PCM1: variants seen among roughly 807,000 people sequenced by gnomAD.
The protein encoded by PCM1 is pericentriolar material 1, also known as pericentriolar material 1 protein.
In PCM1, 157 loss-of-function variants were observed where a neutral mutation model predicts 241.9. The observed-to-expected ratio is 0.65, with a 90% confidence interval of 0.57 to 0.74. PCM1 has a LOEUF of 0.74. Among genes scored for constraint, PCM1 ranks in the 30% least tolerant of loss-of-function variants. PCM1 has a pLI of 0.00. For missense variants in PCM1, 3,478 were observed against 2,360.1 expected (o/e 1.47, Z -9.81); for synonymous variants, 1,085 against 784.9 (o/e 1.38, Z -6.39).
chr8:17,930,741 G>A (rs1316208632), intron 2 of PCM1, among the ~76,000 whole-genome samples: 2 of 152,018 alleles, frequency 1.3e-5, no homozygotes, highest in Admixed American at 6.5e-5. Context: ...TTAGCCAGGC[G>A]TGGTGGCGGG....
intron 23 of PCM1, among the ~76,000 whole-genome samples, chr8:17,973,784 A>G (rs2077678504): frequency 6.6e-6 from 1 of 152,142 alleles, no homozygotes; most frequent in Non-Finnish European, 1.5e-5. Flanking sequence ...AAAGTTTGAA[A>G]TGCATTGCAC....
Position 17,938,872 on chromosome 8 carries a change from A to AGT in PCM1, c.475_476insGT (p.Asn159SerfsTer22). 1 of 1,613,748 alleles carries AGT rather than the reference A, an allele frequency of 6.2e-7. No individual in the cohort carries two copies. The highest frequency in any genetic ancestry group is 8.5e-7 in the Non-Finnish European group (1 of 1,179,648). ...TAACAAGAGCAAAGATGCATCTACA[A>AGT]ACCCCCCAAACAGAGAAACGATTGG... On this transcript the variant is annotated frameshift_variant, in exon 5 of 39. Coordinates refer to ENST00000325083, the MANE Select transcript of PCM1 (RefSeq NM_006197.4). LOFTEE classifies it high-confidence loss of function.
In PCM1 at chr8:17,947,366, A is replaced by G. The variant is rs773359617; in HGVS notation, c.961+3A>G. 1.3e-6 allele frequency: 2 copies of G among 1,578,586 alleles called. No individual in the cohort carries two copies. The highest frequency in any genetic ancestry group is 1.8e-5 in the Admixed American group (1 of 54,652). On this transcript the variant is annotated splice_donor_region_variant and intron_variant, in intron 7 of 38. Transcript: ENST00000325083. The stretch of plus-strand genomic sequence containing the variant: ...TATTGCAGTGATGGATGATTCTGGT[A>G]TGTCACAGTCTGAGAATATTCTTTT...
rs2094394307 is a variant in PCM1, at chr8:18,029,149, TCTGTCTCAAAAAAAAAAAAA to T, written c.*1488_*1507del. 7.6e-6 allele frequency: 1 copy of T among 132,192 alleles called. No individual in the cohort carries two copies. The highest frequency in any genetic ancestry group is 3.8e-5 in the African/African-American group (1 of 26,270). The allele number at this position is 132,192 out of a possible 1,614,324, so 8.2% of individuals were successfully genotyped here. ...CTCCAGCCTGGCAACAGAGCGAGACTCTGTCTCAAAAAAAAAAAAAAAAAAAAAAAAAAGTTAACTTGCTG... is the reference window on the plus strand; with the variant it reads ...CTCCAGCCTGGCAACAGAGCGAGACTAAAAAAAAAAAAAGTTAACTTGCTG... On this transcript the variant is annotated 3_prime_UTR_variant, in exon 39 of 39. Transcript: ENST00000325083.
intron 7 of PCM1, among the ~76,000 whole-genome samples, chr8:17,947,789 T>A (rs1339209285): frequency 6.6e-6 from 1 of 152,232 alleles, no homozygotes; most frequent in Non-Finnish European, 1.5e-5. Flanking sequence ...GTCTTTAACC[T>A]TCAAGGTTAG....
At chr8:18,006,206 TTTC>T in intron 29 of PCM1, 54 bp from the exon 30 acceptor site, 1 of 1,387,916 alleles carries the variant, frequency 7.2e-7, no homozygotes, top group Non-Finnish European at 9.7e-7. Context: ...ATGGATTGAT[TTTC>T]TTTTTTTAAA....
chr8:18,006,878 C>T (rs1018777827), intron 30 of PCM1, among the ~76,000 whole-genome samples: 4 of 152,122 alleles, frequency 2.6e-5, no homozygotes, highest in Non-Finnish European at 5.9e-5. Flanking sequence ...GCAGTGTCTG[C>T]AGCCATTTTG....
rs2092857654 is a variant in PCM1, at chr8:18,014,102, A to G, written c.5584+66A>G. ...CTTTATTTGCTTTAAAGCTAAAAAA[A>G]AAAAAAAAACACACACAGAAAACAC... On this transcript the variant is annotated intron_variant, in intron 35 of 38. Transcript: ENST00000325083. 1.1e-5 allele frequency: 9 copies of G among 838,542 alleles called. No individual in the cohort carries two copies. In the South Asian group the frequency reaches 1.4e-4, roughly 13 times the overall value. The allele number at this position is 838,542 out of a possible 1,614,324, so 51.9% of individuals were successfully genotyped here. A position where few individuals can be genotyped will look rare whatever the true frequency, so the allele number is the denominator to read the frequency against.
intron 23 of PCM1, among the ~76,000 whole-genome samples, chr8:17,974,857 G>GCA (rs60355433): frequency 0.2 from 26,107 of 133,156 alleles, 2,268 homozygotes; most frequent in East Asian, 0.34. Flanking sequence ...CCACTTTAAG[G>GCA]CACACACACA....
intron 23 of PCM1, among the ~76,000 whole-genome samples, chr8:17,974,041 G>T (rs2077785846): frequency 6.6e-6 from 1 of 152,148 alleles, no homozygotes; most frequent in African/African-American, 2.4e-5. Flanking sequence ...CCCATGTGAA[G>T]AATCTGACGG....
chr8:17,997,542 T>G (rs1219094145), intron 29 of PCM1, among the ~76,000 whole-genome samples: 1 of 152,166 alleles, frequency 6.6e-6, no homozygotes, highest in Non-Finnish European at 1.5e-5. Flanking sequence ...TTACTTTTTT[T>G]TTCTTTTGTC....
chr8:17,994,057 T>C (rs931160336), intron 29 of PCM1, among the ~76,000 whole-genome samples: 3 of 151,844 alleles, frequency 2.0e-5, no homozygotes, highest in Non-Finnish European at 2.9e-5. Flanking sequence ...GTTATACTCT[T>C]TTAGTTATTT....
chr8:17,965,776 G>A lies in PCM1; in HGVS notation c.2856-223G>A, dbSNP rs208054. Among the ~76,000 whole-genome samples the A allele has an allele frequency of 8.1e-4, 124 of 152,202 alleles. No individual in the cohort carries two copies. The East Asian group carries it at 9.8e-3, about 12-fold the overall frequency. On this transcript the variant is annotated intron_variant, in intron 18 of 38. Coordinates refer to ENST00000325083, the MANE Select transcript of PCM1 (RefSeq NM_006197.4). ...AATACTTAATTATATGGACACTGCT[G>A]TGTAAAAACATACATGAAAAAGACT...
intron 9 of PCM1, among the ~76,000 whole-genome samples, chr8:17,954,337 G>C (rs1234615724): frequency 6.6e-6 from 1 of 150,986 alleles, no homozygotes; most frequent in Non-Finnish European, 1.5e-5. Context: ...TGAGGTAGGA[G>C]AATCGCTTGA....
intron 36 of PCM1, among the ~76,000 whole-genome samples, chr8:18,020,031 T>G (rs1039023261): frequency 1.1e-4 from 16 of 152,198 alleles, no homozygotes; most frequent in African/African-American, 3.1e-4. Context: ...TGCCTGAATT[T>G]AGAAAAATCT....
At chr8:18,014,944 GT>G in intron 36 of PCM1, 104 bp downstream of exon 36, 1 of 1,021,790 alleles carries the variant, frequency 9.8e-7, no homozygotes, top group Non-Finnish European at 1.4e-6. Flanking sequence ...TTGTGTTTAG[GT>G]TTAGAACATG....
At chr8:18,009,411 C>G (rs1016764451) in intron 30 of PCM1, 136 bp from the exon 31 acceptor site, 3 of 627,898 alleles carry the variant, frequency 4.8e-6, no homozygotes, top group Non-Finnish European at 8.3e-6. Flanking sequence ...TAGCAGTATT[C>G]TTTAGTAATA....
Position 18,028,507 on chromosome 8 carries a change from G to C in PCM1, c.*845G>C. ...ATAATACAACTAAATTTCTGTAATA[G>C]TAAGATTCTGTATGCCTTCAGATAA... On this transcript the variant is annotated 3_prime_UTR_variant, in exon 39 of 39. Coordinates refer to ENST00000325083, the MANE Select transcript of PCM1 (RefSeq NM_006197.4). The C allele has an allele frequency of 5.0e-6, 1 of 200,328 alleles. No individual in the cohort carries two copies. The highest frequency in any genetic ancestry group is 7.8e-5 in the East Asian group (1 of 12,848). 12.4% of individuals were successfully genotyped at this position (200,328 alleles called of 1,614,324 possible).
In PCM1 at chr8:17,964,550, A is replaced by T. The variant is rs373810188; in HGVS notation, c.2655-18A>T. The T allele has an allele frequency of 4.5e-5, 72 of 1,595,704 alleles. No individual in the cohort carries two copies. The African/African-American group carries it at 9.0e-4, about 20-fold the overall frequency. On this transcript the variant is annotated intron_variant, in intron 17 of 38. Coordinates refer to ENST00000325083, the MANE Select transcript of PCM1 (RefSeq NM_006197.4). ...TTATCTCCAGAATGACATCTGTTTT[A>T]TGTCTCTTAATCACTAGAACGATGG...
Sources: allele counts gnomAD v4.1 joint callset (sites outside exome capture counted in the v4.1 genomes callset), GRCh38; gene constraint gnomAD v4.1.1; transcripts MANE v1.5; gene names NCBI Gene and HGNC (gene_info 2026-07-23, HGNC 2026-07-21).